The following AADACL4 variants were observed in gnomAD, a reference collection of about 807,000 sequenced individuals.
AADACL4 encodes the protein arylacetamide deacetylase-like 4.
Under a neutral mutation model 14.1 loss-of-function variants are expected in AADACL4, and 9 were observed. The observed-to-expected ratio is 0.64, with a 90% CI of 0.39 to 1.12. The LOEUF is 1.12. Among genes scored for constraint, AADACL4 ranks in the 50% most tolerant of loss-of-function variants. AADACL4 has a pLI of 0.01. For missense variants in AADACL4, 531 were observed against 516.1 expected (o/e 1.03, Z -0.28); for synonymous variants, 188 against 201.6 (o/e 0.93, Z 0.57).
intron 2 of AADACL4, among the ~76,000 whole-genome samples, chr1:12,652,896 G>T (rs547680600): frequency 6.6e-6 from 1 of 152,288 alleles, no homozygotes; most frequent in South Asian, 2.1e-4. Flanking sequence ...GCTTTTCAGG[G>T]TTTTATCACC....
chr1:12,660,884 C>T (rs1038866752), intron 2 of AADACL4, among the ~76,000 whole-genome samples: 43 of 152,118 alleles, frequency 2.8e-4, no homozygotes, highest in Non-Finnish European at 5.6e-4. Context: ...CCTCGTGATC[C>T]ACCCACCTCG....
chr1:12,666,413 C>T lies in AADACL4; in HGVS notation c.902C>T (p.Pro301Leu), dbSNP rs1647332400. 1.2e-6 allele frequency: 2 copies of T among 1,614,054 alleles called. No individual in the cohort carries two copies. Among genetic ancestry groups the T allele is most frequent in the Admixed American group, 1.7e-5 (1 of 60,010 alleles). ...AAATTTAAGAACAGAGGCTACCAAC[C>T]CTGGTCTCCCGGCCCTTTTAATGAA... The part of the protein sequence containing the change: ...PKKFKNRGYQ[P>L]WSPGPFNEAA... Residue 301 changes from proline (P) to leucine (L), a missense_variant, in exon 4 of 4, where the codon CCC (proline) becomes CTC (leucine). Physicochemically the swap from Pro to Leu is moderately conservative, Grantham distance 98. Transcript: ENST00000376221.
At chr1:12,656,788 G>T (rs888158728) in intron 2 of AADACL4, among the ~76,000 whole-genome samples, 7 of 152,122 alleles carry the variant, frequency 4.6e-5, no homozygotes, top group African/African-American at 1.7e-4. Context: ...CCTGGTATGG[G>T]TTTTTACCCT....
rs34475360 is a variant in AADACL4, at chr1:12,648,346, ATCCTTCCT to A, written c.169-2739_169-2732del. Among the ~76,000 whole-genome samples the A allele has an allele frequency of 2.4e-3, 333 of 140,606 alleles. 1 individual carries two copies. The highest frequency in any genetic ancestry group is 5.1e-3 in the South Asian group (22 of 4,288). 92.2% of individuals were successfully genotyped at this position (140,606 alleles called of 152,430 possible). ...AGCTATTTAAAATTCTGGACCTCAG[ATCCTTCCT>A]TCCTTCCTTCCTTCCTTCCTTCCTT... is the stretch of plus-strand genomic sequence containing the variant. On this transcript the variant is annotated intron_variant, in intron 1 of 3. Coordinates refer to ENST00000376221, the MANE Select transcript of AADACL4 (RefSeq NM_001013630.2).
At position 12,644,470 on chromosome 1, in the gene AADACL4, G is replaced by A. The variant is rs145331925; in HGVS notation, c.-77G>A. The A allele has an allele frequency of 0.015, 23,214 of 1,536,832 alleles. 232 individuals carry two copies. The highest frequency in any genetic ancestry group is 0.03 in the South Asian group (2,445 of 81,042). On this transcript the variant is annotated 5_prime_UTR_variant, in exon 1 of 4. Coordinates refer to ENST00000376221, the MANE Select transcript of AADACL4 (RefSeq NM_001013630.2). Reference sequence around the variant, plus strand: ...GAGTGAGGTGGAGGAGGCGGAGGGTGTAACCCAGCCAGGTCCTCTTCACAT... The same window carrying A: ...GAGTGAGGTGGAGGAGGCGGAGGGTATAACCCAGCCAGGTCCTCTTCACAT...
intron 2 of AADACL4, among the ~76,000 whole-genome samples, chr1:12,658,761 A>C (rs1460054899): frequency 1.1e-5 from 1 of 92,150 alleles, no homozygotes; most frequent in Admixed American, 1.3e-4. Flanking sequence ...TTCCACCCCC[A>C]GCGCTGATGC....
rs1177038641 is a variant in AADACL4 at position 12,644,460 on chromosome 1, G to A, written c.-87G>A. ...AGCCCAGAGAGAGTGAGGTGGAGGA[G>A]GCGGAGGGTGTAACCCAGCCAGGTC... On this transcript the variant is annotated 5_prime_UTR_variant, in exon 1 of 4. Transcript: ENST00000376221. 2 of 1,413,024 alleles carry A rather than the reference G, an allele frequency of 1.4e-6. No homozygotes were observed. The highest frequency in any genetic ancestry group is 2.3e-5 in the East Asian group (1 of 43,774). 87.5% of individuals were successfully genotyped at this position (1,413,024 alleles called of 1,614,324 possible). A position where few individuals can be genotyped will look rare whatever the true frequency, so the allele number is the denominator to read the frequency against.
chr1:12,650,657 C>G (rs528147766), intron 1 of AADACL4, among the ~76,000 whole-genome samples: 1 of 151,996 alleles, frequency 6.6e-6, no homozygotes, highest in Non-Finnish European at 1.5e-5. Flanking sequence ...CTCAGCCTCC[C>G]GAGTAGCTGG....
Position 12,649,124 on chromosome 1 carries a change from A to G in AADACL4, c.169-1999A>G, listed in dbSNP as rs116923373. Reference sequence around the variant, plus strand: ...AGAAATCTTTGGAGGCAGAGGTTGCAGTGAGCTGAGAATGTGCCACTGCAC... The same window carrying G: ...AGAAATCTTTGGAGGCAGAGGTTGCGGTGAGCTGAGAATGTGCCACTGCAC... On this transcript the variant is annotated intron_variant, in intron 1 of 3. Transcript: ENST00000376221. Among the ~76,000 whole-genome samples the G allele has an allele frequency of 8.5e-4, 129 of 152,318 alleles. 1 individual carries two copies. In the South Asian group the frequency reaches 0.01, roughly 12 times the overall value.
intron 2 of AADACL4, among the ~76,000 whole-genome samples, chr1:12,654,641 TTA>T (rs748749083): frequency 3.9e-5 from 6 of 152,276 alleles, no homozygotes; most frequent in South Asian, 2.1e-4. Context: ...GGGAAAAATT[TTA>T]GTTATAATAG....
chr1:12,663,226 T>A lies in AADACL4; in HGVS notation c.449+1372T>A, dbSNP rs555565272. On this transcript the variant is annotated intron_variant, in intron 3 of 3. Coordinates refer to ENST00000376221, the MANE Select transcript of AADACL4 (RefSeq NM_001013630.2). The stretch of plus-strand genomic sequence containing the variant: ...CCTTTGGTTCTGCGAAGCCTTCACC[T>A]CTGGGTGAGTTTCTTAGTTTGGGCT... Among the ~76,000 whole-genome samples, 4 of 152,332 alleles carry A rather than the reference T, an allele frequency of 2.6e-5. No individual in the cohort carries two copies. In the East Asian group the frequency reaches 7.7e-4, roughly 29 times the overall value.
At chr1:12,658,447 C>T (rs891742700) in intron 2 of AADACL4, among the ~76,000 whole-genome samples, 4 of 152,152 alleles carry the variant, frequency 2.6e-5, no homozygotes, top group South Asian at 2.1e-4. Context: ...TTAGTAGAGA[C>T]GGGGTTTTGC....
intron 2 of AADACL4, among the ~76,000 whole-genome samples, chr1:12,658,023 TTTCTCTTTCTTTCC>T (rs1290116439): frequency 6.7e-6 from 1 of 148,408 alleles, no homozygotes; most frequent in African/African-American, 2.6e-5. Flanking sequence ...TCTCTCTTTC[TTTCTCTTTCTTTCC>T]TTCCTTCCTT....
intron 2 of AADACL4, among the ~76,000 whole-genome samples, chr1:12,655,111 G>C (rs546443802): frequency 3.9e-5 from 6 of 152,036 alleles, no homozygotes; most frequent in Non-Finnish European, 8.8e-5. Context: ...GGGACATTCC[G>C]ACATAATTAG....
chr1:12,644,899 C>T (rs1200791533), intron 1 of AADACL4, among the ~76,000 whole-genome samples, 185 bp downstream of exon 1: 1 of 150,780 alleles, frequency 6.6e-6, no homozygotes, highest in African/African-American at 2.4e-5. Flanking sequence ...GTTCCTTCCC[C>T]CTTCCCATAG....
Position 12,665,912 on chromosome 1 carries a change from A to G in AADACL4, c.450-49A>G, listed in dbSNP as rs756174541. 3.3e-6 allele frequency: 5 copies of G among 1,534,744 alleles called. No homozygotes were observed. The South Asian group carries it at 3.8e-5, about 12-fold the overall frequency. On this transcript the variant is annotated intron_variant, in intron 3 of 3. Transcript: ENST00000376221. ...GAGGATTCTGTTGAAACAGCTCCCT[A>G]GCAACACTGTCCACACTGGTGTAGT...
Position 12,651,216 on chromosome 1 carries a change from G to A in AADACL4, c.262G>A (p.Val88Met). ...GAGAATTAAAAAGGACCCTGAACTT[G>A]TGGTGACCGACCTGCGTTTTGGGAC... ...SVRIKKDPELVVTDLRFGTIP... is the reference protein window; with the variant it reads ...SVRIKKDPELMVTDLRFGTIP... Residue 88 changes from valine to methionine, a missense_variant, in exon 2 of 4, where the codon GTG (valine) becomes ATG (methionine). Physicochemically the swap from Val to Met is conservative, Grantham distance 21. Transcript: ENST00000376221. The A allele has an allele frequency of 6.2e-7, 1 of 1,614,222 alleles. No homozygotes were observed. The highest frequency in any genetic ancestry group is 1.1e-5 in the South Asian group (1 of 91,084).
At chr1:12,660,907 GCTGGGATTACA>G (rs1205274228) in intron 2 of AADACL4, among the ~76,000 whole-genome samples, 1 of 152,196 alleles carries the variant, frequency 6.6e-6, no homozygotes, top group East Asian at 1.9e-4. Context: ...CTCCCAAAGT[GCTGGGATTACA>G]GGCATGAACC....
rs765241869 is a variant in AADACL4, at chr1:12,651,342, A to G, written c.385+3A>G. The stretch of plus-strand genomic sequence containing the variant: ...GGCCACAGTATTTGGGAGCCTGGGT[A>G]AGGGGCTTCCCTGTGGCTTTGTAGA... On this transcript the variant is annotated splice_donor_region_variant and intron_variant, in intron 2 of 3. Coordinates refer to ENST00000376221, the MANE Select transcript of AADACL4 (RefSeq NM_001013630.2). The G allele has an allele frequency of 6.2e-7, 1 of 1,613,980 alleles. No homozygotes were observed. Among genetic ancestry groups the G allele is most frequent in the Non-Finnish European group, 8.5e-7 (1 of 1,179,972 alleles).
Sources: allele counts gnomAD v4.1 joint callset (sites outside exome capture counted in the v4.1 genomes callset), GRCh38; gene constraint gnomAD v4.1.1; transcripts MANE v1.5; gene names NCBI Gene and HGNC (gene_info 2026-07-23, HGNC 2026-07-21).